The following CNIH4 variants were observed in gnomAD, a reference collection of about 807,000 sequenced individuals.
CNIH4 encodes the protein cornichon family member 4.
CNIH4 carries 9 observed loss-of-function variants against 21.5 expected under a neutral mutation model. That is an observed-to-expected ratio of 0.42 (90% CI 0.25 to 0.73). CNIH4 has a LOEUF of 0.73. Among genes scored for constraint, CNIH4 ranks in the 30% least tolerant of loss-of-function variants. The probability of loss-of-function intolerance (pLI) is 0.27; values close to 1 mark genes in which losing one functional copy is unlikely to be tolerated. For missense variants in CNIH4, 159 were observed against 170.0 expected, an observed-to-expected ratio of 0.94 and a Z score of 0.36; for synonymous variants, 67 against 59.1, an observed-to-expected ratio of 1.13 and a Z score of -0.61.
Position 224,371,153 on chromosome 1 carries a change from C to T in CNIH4, c.252-130C>T, listed in dbSNP as rs531506000. ...TGGCCTGCCAAAGTGCTGGGATTACCGGCATGAGCCACAGTACTGGGCCTG... is the reference window on the plus strand; with the variant it reads ...TGGCCTGCCAAAGTGCTGGGATTACTGGCATGAGCCACAGTACTGGGCCTG... On this transcript the variant is annotated intron_variant, in intron 3 of 4. Coordinates refer to ENST00000465271, the MANE Select transcript of CNIH4 (RefSeq NM_014184.4). 52 of 909,322 alleles carry T rather than the reference C, an allele frequency of 5.7e-5. No homozygotes were observed. The East Asian group carries it at 6.0e-4, about 10-fold the overall frequency. 56.3% of individuals were successfully genotyped at this position (909,322 alleles called of 1,614,324 possible).
chr1:224,375,128 A>G (rs1372631446), intron 4 of CNIH4, among the ~76,000 whole-genome samples: 1 of 152,246 alleles, frequency 6.6e-6, no homozygotes, highest in Admixed American at 6.5e-5. Context: ...GGAGCAGCAC[A>G]GAACCCCTAC....
In CNIH4 at chr1:224,376,825, C is replaced by T; in HGVS notation, c.*1003C>T. 1.0e-6 allele frequency: 1 copy of T among 985,376 alleles called. No individual in the cohort carries two copies. Among genetic ancestry groups the T allele is most frequent in the Non-Finnish European group, 1.2e-6 (1 of 829,900 alleles). 61.0% of individuals were successfully genotyped at this position (985,376 alleles called of 1,614,324 possible). A position where few individuals can be genotyped will look rare whatever the true frequency, so the allele number is the denominator to read the frequency against. ...CTCTTGCAGGTGGGAGAGCAGTTCACCTCCTTAGCTCTGTTTGCCAGCTCT... is the reference window on the plus strand; with the variant it reads ...CTCTTGCAGGTGGGAGAGCAGTTCATCTCCTTAGCTCTGTTTGCCAGCTCT... On this transcript the variant is annotated 3_prime_UTR_variant, in exon 5 of 5. Transcript: ENST00000465271.
chr1:224,369,034 G>A lies in CNIH4; in HGVS notation c.252-2249G>A, dbSNP rs188856544. On this transcript the variant is annotated intron_variant, in intron 3 of 4. Coordinates refer to ENST00000465271, the MANE Select transcript of CNIH4 (RefSeq NM_014184.4). ...TAAGCATTAATATATGTGCCTCAGC[G>A]ACCATCCCACTCATGGTCTTTGGGG... Among the ~76,000 whole-genome samples the A allele has an allele frequency of 1.5e-3, 227 of 151,664 alleles. 1 individual carries two copies. The highest frequency in any genetic ancestry group is 5.2e-3 in the African/African-American group (213 of 41,298).
chr1:224,369,461 A>C (rs1672560417), intron 3 of CNIH4, among the ~76,000 whole-genome samples: 1 of 152,072 alleles, frequency 6.6e-6, no homozygotes, highest in South Asian at 2.1e-4. Context: ...CTGTAATCCC[A>C]GCTACTCCGC....
In CNIH4 at chr1:224,371,263, T is replaced by C; in HGVS notation, c.252-20T>C. 1 of 1,607,356 alleles carries C rather than the reference T, an allele frequency of 6.2e-7. No homozygotes were observed. The highest frequency in any genetic ancestry group is 8.5e-7 in the Non-Finnish European group (1 of 1,177,018). On this transcript the variant is annotated intron_variant, in intron 3 of 4. Transcript: ENST00000465271. Reference sequence around the variant, plus strand: ...ATGATTTGATTATCCTTCTAATGTGTGTATCCTTTAATTTATCAGATACAT... The same window carrying C: ...ATGATTTGATTATCCTTCTAATGTGCGTATCCTTTAATTTATCAGATACAT...
chr1:224,375,669 G>A, intron 4 of CNIH4, 126 bp from the exon 5 acceptor site: 1 of 1,020,008 alleles, frequency 9.8e-7, no homozygotes, highest in Non-Finnish European at 1.4e-6. Flanking sequence ...CTTTGGGTAT[G>A]AATGATTGTC....
In CNIH4 at chr1:224,357,006, G is replaced by T; in HGVS notation, c.69+13G>T. On this transcript the variant is annotated intron_variant, in intron 1 of 4. Coordinates refer to ENST00000465271, the MANE Select transcript of CNIH4 (RefSeq NM_014184.4). ...CTCGGTCTACTTCGTATCCTTGCCT[G>T]AGGCAGGCGAACGCCTTGCCGGGGG... 6.2e-7 allele frequency: 1 copy of T among 1,604,188 alleles called. No individual in the cohort carries two copies.
At chr1:224,366,045 A>C in intron 3 of CNIH4, 54 bp downstream of exon 3, 2 of 1,194,312 alleles carry the variant, frequency 1.7e-6, no homozygotes, top group South Asian at 2.4e-5. Flanking sequence ...AAATTTAAAA[A>C]GTTGTGTTTT....
In CNIH4 at chr1:224,371,341, C is replaced by T; in HGVS notation, c.310C>T (p.Arg104Ter). Residue 104 changes from arginine to a stop codon, truncating the protein, a stop_gained, in exon 4 of 5, where the codon CGA (arginine) becomes TGA (stop). Transcript: ENST00000465271. LOFTEE classifies it high-confidence loss of function. ...GTTTGATCCAACAGAAATACACAATCGAGGGCAGCTGAAGTCACACATGAA... is the reference window on the plus strand; with the variant it reads ...GTTTGATCCAACAGAAATACACAATTGAGGGCAGCTGAAGTCACACATGAA... ...GVFDPTEIHN[R>*]GQLKSHMKEA... 5 of 1,613,998 alleles carry T rather than the reference C, an allele frequency of 3.1e-6. No individual in the cohort carries two copies. The highest frequency in any genetic ancestry group is 1.7e-5 in the Admixed American group (1 of 59,994).
intron 4 of CNIH4, 105 bp downstream of exon 4, chr1:224,371,528 G>C: frequency 8.9e-7 from 1 of 1,120,244 alleles, no homozygotes. Flanking sequence ...AACTTTCGGG[G>C]ATTATGTAAA....
intron 2 of CNIH4, among the ~76,000 whole-genome samples, chr1:224,361,369 C>T (rs2102851216): frequency 6.6e-6 from 1 of 152,160 alleles, no homozygotes; most frequent in East Asian, 1.9e-4. Context: ...TCGCCTGCCT[C>T]AGCCTCCCAA....
intron 3 of CNIH4, among the ~76,000 whole-genome samples, chr1:224,368,129 G>A (rs765441403): frequency 1.3e-4 from 20 of 152,168 alleles, no homozygotes; most frequent in Non-Finnish European, 2.8e-4. Context: ...TCAGGAGTTC[G>A]AGACCAGCCC....
intron 3 of CNIH4, among the ~76,000 whole-genome samples, chr1:224,369,835 C>A (rs565408214): frequency 2.0e-5 from 3 of 152,004 alleles, no homozygotes; most frequent in African/African-American, 7.2e-5. Flanking sequence ...CGCCACCACG[C>A]CTGGCTAATT....
At chr1:224,375,719 G>A (rs1253833911) in intron 4 of CNIH4, 76 bp from the exon 5 acceptor site, 13 of 1,532,086 alleles carry the variant, frequency 8.5e-6, no homozygotes, top group East Asian at 4.5e-5. Flanking sequence ...CCTTAGGGAC[G>A]CAAGTCTGGA....
At chr1:224,372,748 A>C (rs1672669935) in intron 4 of CNIH4, among the ~76,000 whole-genome samples, 1 of 150,000 alleles carries the variant, frequency 6.7e-6, no homozygotes, top group Non-Finnish European at 1.5e-5. Context: ...ACGCCTGGCT[A>C]ATTTTTTTTT....
Position 224,365,986 on chromosome 1 carries a change from A to G in CNIH4, c.246A>G (p.Ile82Met), listed in dbSNP as rs1461458883. ...ACTTACCTGTTGCCACTTGGAATATATATCGGTGAGTATAGTTTGTTTACT... is the reference window on the plus strand; with the variant it reads ...ACTTACCTGTTGCCACTTGGAATATGTATCGGTGAGTATAGTTTGTTTACT... ...LLNLPVATWN[I>M]YRYIMVPSGN... The change falls in exon 3 of 5, where the codon ATA (isoleucine) becomes ATG (methionine). Residue 82 changes from isoleucine (I) to methionine (M), a missense_variant. By Grantham distance (10) the Ile-to-Met change is conservative. Coordinates refer to ENST00000465271, the MANE Select transcript of CNIH4 (RefSeq NM_014184.4). 1.9e-6 allele frequency: 3 copies of G among 1,568,508 alleles called. No individual in the cohort carries two copies. The highest frequency in any genetic ancestry group is 1.4e-5 in the African/African-American group (1 of 73,998).
intron 4 of CNIH4, among the ~76,000 whole-genome samples, chr1:224,373,837 G>A (rs1203159435): frequency 2.0e-5 from 3 of 151,130 alleles, no homozygotes; most frequent in East Asian, 2.0e-4. Context: ...CAAAAAAAAA[G>A]AAAAAATAAA....
At position 224,376,025 on chromosome 1, in the gene CNIH4, T is replaced by G; in HGVS notation, c.*203T>G. The stretch of plus-strand genomic sequence containing the variant: ...TTCTGTAGATTTCTAGTTCTCAACT[T>G]TAGCCTGAACGCCAACACTTGAAGG... On this transcript the variant is annotated 3_prime_UTR_variant, in exon 5 of 5. Transcript: ENST00000465271. The G allele has an allele frequency of 7.8e-7, 1 of 1,274,864 alleles. No individual in the cohort carries two copies. The highest frequency in any genetic ancestry group is 9.9e-7 in the Non-Finnish European group (1 of 1,009,532). The allele number at this position is 1,274,864 out of a possible 1,614,324, so 79.0% of individuals were successfully genotyped here. A position where few individuals can be genotyped will look rare whatever the true frequency, so the allele number is the denominator to read the frequency against.
At position 224,365,130 on chromosome 1, in the gene CNIH4, A is replaced by G. The variant is rs1643007623; in HGVS notation, c.139-749A>G. Among the ~76,000 whole-genome samples the G allele has an allele frequency of 2.0e-5, 3 of 152,144 alleles. No homozygotes were observed. The South Asian group carries it at 6.2e-4, about 32-fold the overall frequency. ...AACCACTCTGAGTTTTGTTTTCCTC[A>G]TTTCTGAAAGTGAGGCATGCCAGTT... On this transcript the variant is annotated intron_variant, in intron 2 of 4. Transcript: ENST00000465271.
Sources: allele counts gnomAD v4.1 joint callset (sites outside exome capture counted in the v4.1 genomes callset), GRCh38; gene constraint gnomAD v4.1.1; transcripts MANE v1.5; gene names NCBI Gene and HGNC (gene_info 2026-07-23, HGNC 2026-07-21).